TTC17: variants seen among roughly 807,000 people sequenced by gnomAD.
TTC17 encodes tetratricopeptide repeat domain 17.
TTC17 carries 58 observed loss-of-function variants against 143.8 expected under a neutral mutation model. The observed-to-expected ratio is 0.40, with a 90% confidence interval of 0.33 to 0.50. The LOEUF (loss-of-function observed/expected upper bound fraction) is 0.50, where lower values mean the gene tolerates loss of function less well. Ranked by LOEUF, TTC17 falls within the 20% of genes least tolerant of loss-of-function variation. The pLI, the probability that TTC17 is intolerant of heterozygous loss-of-function variation, is 0.49. For synonymous variants in TTC17, 501 were observed against 497.8 expected (o/e 1.01, Z -0.09); for missense variants, 1,273 against 1,392.5 (o/e 0.91, Z 1.37).
At chr11:43,381,598 AAG>A (rs1345460316) in intron 2 of TTC17, among the ~76,000 whole-genome samples, 1 of 152,186 alleles carries the variant, frequency 6.6e-6, no homozygotes, top group Non-Finnish European at 1.5e-5. Flanking sequence ...TAACCAAAAA[AAG>A]GAACTGAATC....
chr11:43,408,847 T>C (rs1324651965), intron 15 of TTC17, among the ~76,000 whole-genome samples: 1 of 152,114 alleles, frequency 6.6e-6, no homozygotes, highest in African/African-American at 2.4e-5. Flanking sequence ...GCTCAAGTAG[T>C]GCACCCACCT....
intron 21 of TTC17, among the ~76,000 whole-genome samples, chr11:43,457,368 T>G (rs1947783861): frequency 1.3e-5 from 2 of 152,068 alleles, no homozygotes; most frequent in Non-Finnish European, 2.9e-5. Flanking sequence ...TGATGAAGTA[T>G]AATATCTGGA....
chr11:43,363,234 T>G (rs941203945), intron 1 of TTC17, among the ~76,000 whole-genome samples: 27 of 152,340 alleles, frequency 1.8e-4, no homozygotes, highest in African/African-American at 6.3e-4. Flanking sequence ...TTGTTTTTGC[T>G]TAATCCCTAG....
At chr11:43,423,954 C>G (rs1307362250) in intron 16 of TTC17, among the ~76,000 whole-genome samples, 2 of 151,966 alleles carry the variant, frequency 1.3e-5, no homozygotes, top group Non-Finnish European at 2.9e-5. Context: ...AAAGTGAGCT[C>G]TCTATATATA....
At chr11:43,371,919 G>A (rs979061624) in intron 1 of TTC17, among the ~76,000 whole-genome samples, 1 of 152,268 alleles carries the variant, frequency 6.6e-6, no homozygotes, top group Non-Finnish European at 1.5e-5. Flanking sequence ...AGACTGAAAT[G>A]TATTCATGGC....
intron 16 of TTC17, among the ~76,000 whole-genome samples, chr11:43,418,461 C>G (rs1267116026): frequency 6.6e-6 from 1 of 152,152 alleles, no homozygotes; most frequent in Non-Finnish European, 1.5e-5. Flanking sequence ...AAAATACCTA[C>G]TGTTTTCCAC....
intron 21 of TTC17, among the ~76,000 whole-genome samples, chr11:43,469,372 CAA>C (rs1245409100): frequency 6.6e-6 from 1 of 151,884 alleles, no homozygotes; most frequent in Admixed American, 6.6e-5. Flanking sequence ...AGAAATGTAT[CAA>C]AGAGACATGA....
intron 21 of TTC17, among the ~76,000 whole-genome samples, chr11:43,487,210 A>G (rs976056004): frequency 6.6e-6 from 1 of 152,030 alleles, no homozygotes; most frequent in African/African-American, 2.4e-5. Context: ...TAGTGGCGCA[A>G]TCTTGGTTCT....
At position 43,493,938 on chromosome 11, in the gene TTC17, T is replaced by G. The variant is rs754017483; in HGVS notation, c.*34T>G. 6.5e-7 allele frequency: 1 copy of G among 1,530,390 alleles called. No individual in the cohort carries two copies. The highest frequency in any genetic ancestry group is 2.2e-5 in the Admixed American group (1 of 45,954). 94.8% of individuals were successfully genotyped at this position (1,530,390 alleles called of 1,614,324 possible). On this transcript the variant is annotated 3_prime_UTR_variant, in exon 24 of 24. Coordinates refer to ENST00000039989, the MANE Select transcript of TTC17 (RefSeq NM_018259.6). ...TTCCTTCTCTCTTTCTCTTTACTCATGCTCTAAAAAAAAAGAATAAGAAAA... is the reference window on the plus strand; with the variant it reads ...TTCCTTCTCTCTTTCTCTTTACTCAGGCTCTAAAAAAAAAGAATAAGAAAA...
At chr11:43,403,812 T>G (rs974632745) in intron 10 of TTC17, among the ~76,000 whole-genome samples, 186 bp from the exon 11 acceptor site, 13 of 127,992 alleles carry the variant, frequency 1.0e-4, no homozygotes, top group African/African-American at 2.6e-4. Flanking sequence ...TTGTTAACTA[T>G]GTATTATCCA....
chr11:43,415,934 C>G (rs1946768049), intron 16 of TTC17, among the ~76,000 whole-genome samples: 2 of 152,152 alleles, frequency 1.3e-5, no homozygotes, highest in Admixed American at 1.3e-4. Context: ...GTGGCTAGCA[C>G]TAGAATCTTA....
At chr11:43,419,578 C>G (rs891106737) in intron 16 of TTC17, among the ~76,000 whole-genome samples, 1 of 152,170 alleles carries the variant, frequency 6.6e-6, no homozygotes, top group African/African-American at 2.4e-5. Context: ...TATATACTGC[C>G]TGCAATGAAG....
At chr11:43,405,029 A>G (rs1858048008) in intron 11 of TTC17, among the ~76,000 whole-genome samples, 1 of 151,896 alleles carries the variant, frequency 6.6e-6, no homozygotes, top group African/African-American at 2.4e-5. Context: ...CAGAAATAGG[A>G]TAAACTTCAG....
At chr11:43,467,511 TGGGA>T (rs1947999853) in intron 21 of TTC17, among the ~76,000 whole-genome samples, 1 of 152,206 alleles carries the variant, frequency 6.6e-6, no homozygotes, top group African/African-American at 2.4e-5. Flanking sequence ...TGCCAGCAAC[TGGGA>T]GGAAGGGGGT....
chr11:43,426,461 T>A (rs1947030333), intron 16 of TTC17, among the ~76,000 whole-genome samples: 1 of 152,270 alleles, frequency 6.6e-6, no homozygotes, highest in South Asian at 2.1e-4. Context: ...ATGTTCAAAT[T>A]AAAGTGCCTA....
At position 43,414,572 on chromosome 11, in the gene TTC17, A is replaced by ATTTTTTTT; in HGVS notation, c.2065-16_2065-9dup. 1 of 1,573,574 alleles carries ATTTTTTTT rather than the reference A, an allele frequency of 6.4e-7. No homozygotes were observed. Among genetic ancestry groups the ATTTTTTTT allele is most frequent in the Non-Finnish European group, 8.6e-7 (1 of 1,159,486 alleles). The stretch of plus-strand genomic sequence containing the variant: ...ATATTAGTTCATTAACATTTTGCCG[A>ATTTTTTTT]TTTTTTTTTCTTTTCAGCCTCTGAC... On this transcript the variant is annotated splice_polypyrimidine_tract_variant and intron_variant, in intron 15 of 23. Coordinates refer to ENST00000039989, the MANE Select transcript of TTC17 (RefSeq NM_018259.6).
intron 16 of TTC17, among the ~76,000 whole-genome samples, chr11:43,423,264 G>A (rs1006135455): frequency 3.3e-5 from 5 of 152,136 alleles, no homozygotes; most frequent in African/African-American, 1.2e-4. Context: ...TTCTAACTTT[G>A]GTAACTGGAT....
At chr11:43,410,089 G>A (rs1858339728) in intron 15 of TTC17, among the ~76,000 whole-genome samples, 1 of 152,118 alleles carries the variant, frequency 6.6e-6, no homozygotes, top group African/African-American at 2.4e-5. Context: ...CTGACCTCAA[G>A]TGATCCGCCC....
At chr11:43,418,653 A>C (rs980464711) in intron 16 of TTC17, among the ~76,000 whole-genome samples, 2 of 151,244 alleles carry the variant, frequency 1.3e-5, no homozygotes, top group South Asian at 4.2e-4. Flanking sequence ...CTTAAAAAAA[A>C]CAGCCTTTTT....
Sources: gnomAD v4.1 joint callset for allele counts (sites outside exome capture counted in the v4.1 genomes callset) on GRCh38, gnomAD v4.1.1 for gene constraint, MANE v1.5 for transcripts, NCBI Gene and HGNC (gene_info 2026-07-23, HGNC 2026-07-21) for gene names.